The following SLC4A10 variants were observed in gnomAD, a reference collection of about 807,000 sequenced individuals.
The protein encoded by SLC4A10 is sodium-driven chloride bicarbonate exchanger.
SLC4A10 carries 42 observed loss-of-function variants against 137.7 expected under a neutral mutation model. The ratio of observed to expected loss-of-function variants is 0.30; its 90% CI spans 0.24 to 0.39. The LOEUF is 0.39. Among genes scored for constraint, SLC4A10 ranks in the 10% least tolerant of loss-of-function variants. The pLI, the probability that SLC4A10 is intolerant of heterozygous loss-of-function variation, is 1.00. For synonymous variants in SLC4A10, 474 were observed against 464.1 expected (o/e 1.02, Z -0.27); for missense variants, 925 against 1,355.0 (o/e 0.68, Z 4.98).
At chr2:161,788,836 G>A (rs1031340855) in intron 2 of SLC4A10, among the ~76,000 whole-genome samples, 1 of 152,182 alleles carries the variant, frequency 6.6e-6, no homozygotes, top group African/African-American at 2.4e-5. Context: ...TTTCAATGAG[G>A]TGTAGCTGCC....
intron 11 of SLC4A10, 98 bp downstream of exon 11, chr2:161,894,923 A>G (rs2063294362): frequency 1.4e-6 from 1 of 703,178 alleles, no homozygotes; most frequent in African/African-American, 1.9e-5. Context: ...TTATTTTATT[A>G]TTATTATACT....
chr2:161,974,310 A>C lies in SLC4A10; in HGVS notation c.3221A>C (p.His1074Pro), dbSNP rs1699037472. 1.2e-6 allele frequency: 2 copies of C among 1,603,772 alleles called. No individual in the cohort carries two copies. Among genetic ancestry groups the C allele is most frequent in the Middle Eastern group, 1.7e-4 (1 of 6,042 alleles). The change falls in exon 24 of 27, where the codon CAC (histidine) becomes CCC (proline). Residue 1074 changes from histidine to proline, a missense_variant. Physicochemically the swap from His to Pro is moderately conservative, Grantham distance 77 (BLOSUM62 -2). Around this residue, in one of 11 missense-constraint regions of SLC4A10, gnomAD observed 84 missense variants for 76.9 expected, o/e 1.09. Transcript: ENST00000446997. ...ACAGTACAACTCCCATTGGAAGGGC[A>C]CTATAGGTAAGACATAAATTTAAAA... is the stretch of plus-strand genomic sequence containing the variant. The part of the protein sequence containing the change: ...EGTVQLPLEG[H>P]YRDDPSVINI...
chr2:161,751,186 C>T (rs917548013), intron 1 of SLC4A10, among the ~76,000 whole-genome samples: 18 of 151,642 alleles, frequency 1.2e-4, no homozygotes, highest in East Asian at 3.9e-4. Context: ...TTTGTTTGTT[C>T]GTTTTCATTC....
chr2:161,882,208 T>A, intron 9 of SLC4A10, 149 bp from the exon 10 acceptor site: 1 of 513,954 alleles, frequency 1.9e-6, no homozygotes, highest in South Asian at 3.5e-5. Context: ...GTAAAATTTT[T>A]CAAAATAATA....
intron 15 of SLC4A10, among the ~76,000 whole-genome samples, chr2:161,938,828 A>G (rs1490196325): frequency 1.3e-5 from 2 of 151,970 alleles, no homozygotes; most frequent in Non-Finnish European, 2.9e-5. Context: ...TTTTTCAAGT[A>G]CATTTTATTG....
At chr2:161,700,867 C>T (rs1160412646) in intron 1 of SLC4A10, among the ~76,000 whole-genome samples, 2 of 152,112 alleles carry the variant, frequency 1.3e-5, no homozygotes, top group African/African-American at 4.8e-5. Context: ...ATCTTGGAAA[C>T]TACTGCTCAG....
intron 1 of SLC4A10, among the ~76,000 whole-genome samples, chr2:161,729,420 T>C (rs1359797508): frequency 6.6e-6 from 1 of 152,094 alleles, no homozygotes; most frequent in Non-Finnish European, 1.5e-5. Flanking sequence ...TAAAGGAATT[T>C]TTTGAGGTGA....
In SLC4A10 at chr2:161,916,644, A is replaced by G. The variant is rs575233608; in HGVS notation, c.1997+10757A>G. On this transcript the variant is annotated intron_variant, in intron 15 of 26. Coordinates refer to ENST00000446997, the MANE Select transcript of SLC4A10 (RefSeq NM_001178015.2). ...TGCCTCTCTTCTCTCTCCTCCTGCTACTTTGCCCTTCTGCTCCAGCCACAC... is the reference window on the plus strand; with the variant it reads ...TGCCTCTCTTCTCTCTCCTCCTGCTGCTTTGCCCTTCTGCTCCAGCCACAC... Among the ~76,000 whole-genome samples, 645 of 152,154 alleles carry G rather than the reference A, an allele frequency of 4.2e-3. 2 individuals carry two copies. The highest frequency in any genetic ancestry group is 0.015 in the African/African-American group (618 of 41,506).
Position 161,965,766 on chromosome 2 carries a change from G to A in SLC4A10, c.3159+593G>A, listed in dbSNP as rs1042177200. ...TTATTTATTTTATTCTATTTTATAT[G>A]GTATAACAATGTATTATAAGTTTCG... is the stretch of plus-strand genomic sequence containing the variant. On this transcript the variant is annotated intron_variant, in intron 23 of 26. Coordinates refer to ENST00000446997, the MANE Select transcript of SLC4A10 (RefSeq NM_001178015.2). Among the ~76,000 whole-genome samples the A allele has an allele frequency of 3.9e-5, 6 of 152,038 alleles. No individual in the cohort carries two copies. The East Asian group carries it at 1.2e-3, about 29-fold the overall frequency.
chr2:161,969,559 A>G (rs1575918842), intron 23 of SLC4A10, among the ~76,000 whole-genome samples: 1 of 152,190 alleles, frequency 6.6e-6, no homozygotes, highest in African/African-American at 2.4e-5. Context: ...TGTTAAAGGC[A>G]GAAAATCCCA....
intron 4 of SLC4A10, among the ~76,000 whole-genome samples, chr2:161,840,829 A>G (rs2059135464): frequency 6.6e-6 from 1 of 152,218 alleles, no homozygotes; most frequent in Admixed American, 6.5e-5. Flanking sequence ...GGCCTCAGGC[A>G]TAGTCAGACC....
At chr2:161,925,955 A>G (rs1266621526) in intron 15 of SLC4A10, among the ~76,000 whole-genome samples, 3 of 151,642 alleles carry the variant, frequency 2.0e-5, no homozygotes, top group Non-Finnish European at 4.4e-5. Flanking sequence ...ATTTGCTGAG[A>G]AGAGCTTTAC....
chr2:161,700,722 T>C (rs916666205), intron 1 of SLC4A10, among the ~76,000 whole-genome samples: 3 of 152,116 alleles, frequency 2.0e-5, no homozygotes, highest in African/African-American at 7.2e-5. Context: ...TGGTTACTAA[T>C]TGGTGAATCC....
At chr2:161,772,701 G>A (rs1447352045) in intron 2 of SLC4A10, among the ~76,000 whole-genome samples, 2 of 151,764 alleles carry the variant, frequency 1.3e-5, no homozygotes, top group African/African-American at 4.8e-5. Context: ...ATTAACTATA[G>A]AATGCAAATT....
Position 161,949,158 on chromosome 2 carries a change from T to C in SLC4A10, c.2276T>C (p.Ile759Thr), listed in dbSNP as rs777520871. The C allele has an allele frequency of 3.7e-6, 6 of 1,608,916 alleles. No homozygotes were observed. In the South Asian group the frequency reaches 4.4e-5, roughly 12 times the overall value. Residue 759 changes from isoleucine (I) to threonine (T), a missense_variant, in exon 18 of 27, where the codon ATA (isoleucine) becomes ACA (threonine). Physicochemically the swap from Ile to Thr is moderately conservative, Grantham distance 89. Transcript: ENST00000446997. ...SRYFPTKVRS[I>T]VSDFAVFLTI... ...TTTCATTATTTTTAGGTTCGATCCA[T>C]AGTGAGTGACTTTGCTGTCTTTCTT...
At chr2:161,792,087 A>G (rs2054270591) in intron 2 of SLC4A10, among the ~76,000 whole-genome samples, 1 of 152,118 alleles carries the variant, frequency 6.6e-6, no homozygotes, top group Non-Finnish European at 1.5e-5. Flanking sequence ...ATGAGTTTCT[A>G]CTTATCAAAG....
At chr2:161,667,780 C>T (rs2039234540) in intron 1 of SLC4A10, among the ~76,000 whole-genome samples, 1 of 151,672 alleles carries the variant, frequency 6.6e-6, no homozygotes, top group Admixed American at 6.6e-5. Flanking sequence ...GGTCCTATGA[C>T]ATACTGTTTT....
intron 1 of SLC4A10, among the ~76,000 whole-genome samples, chr2:161,763,640 A>T (rs2050488006): frequency 6.6e-6 from 1 of 152,070 alleles, no homozygotes; most frequent in African/African-American, 2.4e-5. Context: ...ATGAGAGAGG[A>T]ATGCAGCCAC....
At chr2:161,954,741 A>G (rs1010873976) in intron 19 of SLC4A10, among the ~76,000 whole-genome samples, 1 of 152,132 alleles carries the variant, frequency 6.6e-6, no homozygotes, top group East Asian at 1.9e-4. Flanking sequence ...TGTTTTTGTT[A>G]TATATTTATA....
Sources: gnomAD v4.1 joint callset for allele counts (sites outside exome capture counted in the v4.1 genomes callset) on GRCh38, gnomAD v4.1.1 for gene constraint, gnomAD v4.1.1 regional missense constraint, MANE v1.5 for transcripts, NCBI Gene and HGNC (gene_info 2026-07-23, HGNC 2026-07-21) for gene names.